TXLNB: variants seen among roughly 807,000 people sequenced by gnomAD.
TXLNB encodes beta-taxilin.
TXLNB carries 37 observed loss-of-function variants against 57.4 expected under a neutral mutation model. The observed-to-expected ratio is 0.64, with a 90% CI of 0.50 to 0.85. The LOEUF is 0.85. Ranked by LOEUF, TXLNB falls within the 40% of genes least tolerant of loss-of-function variation. The probability of loss-of-function intolerance (pLI) is 0.00; values close to 1 mark genes in which losing one functional copy is unlikely to be tolerated. For synonymous variants in TXLNB, 302 were observed against 309.6 expected (o/e 0.98, Z 0.26); for missense variants, 848 against 825.6 (o/e 1.03, Z -0.33).
At position 139,283,616 on chromosome 6, in the gene TXLNB, G is replaced by A. The variant is rs559516426; in HGVS notation, c.424+4860C>T. ...AAAATGTCTCTCATAGATCCAATCA[G>A]TCAATAAGTTTTGGAAATGATGGAA... On this transcript the variant is annotated intron_variant, in intron 2 of 9. Transcript: ENST00000358430. Among the ~76,000 whole-genome samples, 3 of 143,700 alleles carry A rather than the reference G, an allele frequency of 2.1e-5. 1 individual carries two copies. The South Asian group carries it at 7.1e-4, about 34-fold the overall frequency. The allele number at this position is 143,700 out of a possible 152,430, so 94.3% of individuals were successfully genotyped here.
the TXLNB span, among the ~76,000 whole-genome samples, chr6:139,220,947 G>C: frequency 3.3e-5 from 5 of 152,166 alleles, no homozygotes; most frequent in Non-Finnish European, 7.3e-5. Context: ...AGCTGGATGG[G>C]AATTCTGCTT....
chr6:139,213,366 C>A, the TXLNB span, among the ~76,000 whole-genome samples: 1 of 152,166 alleles, frequency 6.6e-6, no homozygotes, highest in Non-Finnish European at 1.5e-5. Context: ...ACAACCTGCT[C>A]CTAAATGACT....
At chr6:139,234,456 C>G in the TXLNB span, 25 of 152,412 alleles carry the variant, frequency 1.6e-4, no homozygotes, top group Admixed American at 1.6e-3. Context: ...ACATGGGGCC[C>G]TGCATCTCAG....
At chr6:139,235,126 T>G (rs1775821639), downstream of TXLNB, among the ~76,000 whole-genome samples, 1 of 152,218 alleles carries the variant, frequency 6.6e-6, no homozygotes, top group African/African-American at 2.4e-5. Context: ...CTCCGGCCTG[T>G]GCCCACAGAC....
the TXLNB span, among the ~76,000 whole-genome samples, chr6:139,221,098 A>C: frequency 6.6e-6 from 1 of 152,298 alleles, no homozygotes; most frequent in South Asian, 2.1e-4. Flanking sequence ...AAGAAAAGCA[A>C]AAAGAGAAAT....
chr6:139,315,123 G>A, the TXLNB span, among the ~76,000 whole-genome samples: 5 of 152,086 alleles, frequency 3.3e-5, no homozygotes, highest in Non-Finnish European at 1.5e-5. Flanking sequence ...TGGTGATCTG[G>A]CTCAACTAGT....
chr6:139,193,241 C>CTTTTTTTTTTTT, the TXLNB span, among the ~76,000 whole-genome samples: 230 of 101,172 alleles, frequency 2.3e-3, 4 homozygotes, highest in Middle Eastern at 6.8e-3. Flanking sequence ...CTTTGACCCT[C>CTTTTTTTTTTTT]TTTTTTTTTT....
chr6:139,243,160 G>A lies in TXLNB; in HGVS notation c.1421C>T (p.Ser474Phe), dbSNP rs199860574. Residue 474 changes from serine (S) to phenylalanine (F), a missense_variant, in exon 10 of 10, where the codon TCC becomes TTC. Transcript: ENST00000358430. Reference protein sequence around the residue: ...SEKDDQSQHNSDEEPESNVSV... With the variant: ...SEKDDQSQHNFDEEPESNVSV... ...GACGTTTGACTCTGGCTCTTCATCG[G>A]AGTTGTGCTGACTTTGGTCATCCTT... is the stretch of plus-strand genomic sequence containing the variant. The A allele has an allele frequency of 6.2e-7, 1 of 1,614,160 alleles. No individual in the cohort carries two copies. Among genetic ancestry groups the A allele is most frequent in the East Asian group, 2.2e-5 (1 of 44,886 alleles).
At chr6:139,193,658 CTTT>C in the TXLNB span, among the ~76,000 whole-genome samples, 2 of 143,042 alleles carry the variant, frequency 1.4e-5, no homozygotes. Flanking sequence ...CATCTTCTCA[CTTT>C]TTTTTTTTTT....
chr6:139,215,025 T>A, the TXLNB span, among the ~76,000 whole-genome samples: 6 of 151,992 alleles, frequency 3.9e-5, no homozygotes, highest in African/African-American at 1.5e-4. Context: ...GTAGGAAGAA[T>A]CAATATCGTG....
the TXLNB span, chr6:139,183,569 ACT>A: frequency 1.3e-5 from 2 of 152,230 alleles, no homozygotes; most frequent in Admixed American, 1.3e-4. Flanking sequence ...TGGCACTTAG[ACT>A]CTCTGTAAAG....
At chr6:139,322,873 TG>T in the TXLNB span, among the ~76,000 whole-genome samples, 6 of 152,254 alleles carry the variant, frequency 3.9e-5, no homozygotes, top group African/African-American at 1.4e-4. Context: ...GTATGTTGCA[TG>T]GGGGCAGGCA....
chr6:139,225,435 C>G, the TXLNB span, among the ~76,000 whole-genome samples: 1 of 152,140 alleles, frequency 6.6e-6, no homozygotes, highest in Non-Finnish European at 1.5e-5. Context: ...CCAAAAACAT[C>G]TGCAAATAGC....
chr6:139,225,616 G>A, the TXLNB span, among the ~76,000 whole-genome samples: 1 of 151,890 alleles, frequency 6.6e-6, no homozygotes, highest in Non-Finnish European at 1.5e-5. Context: ...TAAACCTAAT[G>A]AAAAATAAAC....
chr6:139,300,856 C>T, the TXLNB span, among the ~76,000 whole-genome samples: 7 of 152,170 alleles, frequency 4.6e-5, no homozygotes, highest in African/African-American at 1.7e-4. Context: ...GATTGCACCA[C>T]TGTGCTCCAG....
the TXLNB span, among the ~76,000 whole-genome samples, chr6:139,220,098 G>A: frequency 1.3e-5 from 2 of 152,134 alleles, no homozygotes; most frequent in African/African-American, 4.8e-5. Context: ...TCATGGGGGT[G>A]GACCCCTCAT....
At chr6:139,251,337 C>A (rs1249899789) in intron 7 of TXLNB, 2 of 152,214 alleles carry the variant, frequency 1.3e-5, no homozygotes, top group Non-Finnish European at 1.5e-5. Flanking sequence ...CAACAATTCC[C>A]TATTTCTTCC....
downstream of TXLNB, chr6:139,237,617 T>G (rs1775851159): frequency 1.3e-5 from 2 of 152,166 alleles, no homozygotes; most frequent in Non-Finnish European, 2.9e-5. Context: ...GCTATCAGAT[T>G]GAAAATATTT....
the TXLNB span, among the ~76,000 whole-genome samples, chr6:139,323,146 T>C: frequency 1.3e-5 from 2 of 152,272 alleles, no homozygotes; most frequent in Middle Eastern, 3.4e-3. Flanking sequence ...CTTAAATACA[T>C]AGGAAATCAT....
Sources: gnomAD v4.1 joint callset for allele counts (sites outside exome capture counted in the v4.1 genomes callset) on GRCh38, gnomAD v4.1.1 for gene constraint, MANE v1.5 for transcripts, NCBI Gene and HGNC (gene_info 2026-07-23, HGNC 2026-07-21) for gene names.